Variants in GAREM1 observed in about 807,000 individuals in gnomAD.
The protein encoded by GAREM1 is GRB2 associated regulator of MAPK1 subtype 1.
A neutral mutation model predicts 71.3 loss-of-function variants in GAREM1; 26 were observed. The observed-to-expected ratio is 0.36, with a 90% CI of 0.27 to 0.51. The LOEUF (loss-of-function observed/expected upper bound fraction) is 0.51, where lower values mean the gene tolerates loss of function less well. GAREM1 is among the 20% of genes least tolerant of loss of function. The pLI, the probability that GAREM1 is intolerant of heterozygous loss-of-function variation, is 0.95. For synonymous variants in GAREM1, 440 were observed against 433.2 expected (o/e 1.02, Z -0.20); for missense variants, 1,026 against 1,103.1 (o/e 0.93, Z 0.99).
chr18:32,413,813 T>G lies in GAREM1; in HGVS notation c.122-20778A>C, dbSNP rs541488413. On this transcript the variant is annotated intron_variant, in intron 1 of 5. Coordinates refer to ENST00000269209, the MANE Select transcript of GAREM1 (RefSeq NM_001242409.2). ...AACAAACCCCAGGAGTTTACAGATATTGACTGAAAGATATCATCAATTAAA... is the reference window on the plus strand; with the variant it reads ...AACAAACCCCAGGAGTTTACAGATAGTGACTGAAAGATATCATCAATTAAA... Among the ~76,000 whole-genome samples the G allele has an allele frequency of 2.6e-5, 4 of 152,236 alleles. No homozygotes were observed. The East Asian group carries it at 7.7e-4, about 29-fold the overall frequency.
chr18:32,300,679 G>A (rs2047190600), intron 3 of GAREM1, among the ~76,000 whole-genome samples: 1 of 152,108 alleles, frequency 6.6e-6, no homozygotes, highest in Admixed American at 6.5e-5. Flanking sequence ...GGCCGAGGCG[G>A]GCAAATCGCT....
chr18:32,342,927 T>C (rs755410740), intron 2 of GAREM1, among the ~76,000 whole-genome samples: 2 of 152,166 alleles, frequency 1.3e-5, no homozygotes, highest in Non-Finnish European at 2.9e-5. Context: ...TACTAAACAA[T>C]TTGGCAGATA....
intron 1 of GAREM1, among the ~76,000 whole-genome samples, chr18:32,410,130 A>T (rs1181752841): frequency 6.6e-6 from 1 of 152,212 alleles, no homozygotes; most frequent in South Asian, 2.1e-4. Context: ...AAAGAATCAC[A>T]TAAGCAGACA....
intron 1 of GAREM1, among the ~76,000 whole-genome samples, chr18:32,460,921 A>G (rs2048949397): frequency 1.3e-5 from 2 of 152,366 alleles, no homozygotes; most frequent in South Asian, 4.1e-4. Context: ...TCAGAATGAA[A>G]AGAACTAGCA....
In GAREM1 at chr18:32,392,954, C is replaced by G. The variant is rs1185635736; in HGVS notation, c.203G>C (p.Ser68Thr). Residue 68 changes from serine to threonine, a missense_variant, in exon 2 of 6, where the codon AGC becomes ACC. This residue lies in a region of GAREM1 where 172 missense variants were observed against 175.2 expected (regional missense o/e 0.98). Coordinates refer to ENST00000269209, the MANE Select transcript of GAREM1 (RefSeq NM_001242409.2). ...CRQWTTITAH[S>T]LEEGHYVIGP... ...AATGACATAGTGACCCTCCTCCAAG[C>G]TGTGGGCAGTGATGGTGGTCCACTG... 6.2e-7 allele frequency: 1 copy of G among 1,613,912 alleles called. No homozygotes were observed. The highest frequency in any genetic ancestry group is 1.1e-5 in the South Asian group (1 of 91,076).
intron 2 of GAREM1, among the ~76,000 whole-genome samples, chr18:32,383,972 C>G (rs2048120764): frequency 6.6e-6 from 1 of 152,170 alleles, no homozygotes; most frequent in African/African-American, 2.4e-5. Context: ...AGAAAAGCCA[C>G]ATAGTATGAC....
At chr18:32,410,864 GCAATCTCGGCTCACTGCAA>G in intron 1 of GAREM1, among the ~76,000 whole-genome samples, 1 of 152,296 alleles carries the variant, frequency 6.6e-6, no homozygotes, top group East Asian at 1.9e-4. Flanking sequence ...GTGCAGTGGA[GCAATCTCGGCTCACTGCAA>G]CCTCCGTCTC....
chr18:32,440,135 T>C (rs763816950), intron 1 of GAREM1, among the ~76,000 whole-genome samples: 3 of 152,218 alleles, frequency 2.0e-5, no homozygotes, highest in Non-Finnish European at 4.4e-5. Flanking sequence ...TTAACATAAA[T>C]AGCACTTACC....
At chr18:32,317,138 CT>C (rs2047386098) in intron 2 of GAREM1, among the ~76,000 whole-genome samples, 1 of 152,166 alleles carries the variant, frequency 6.6e-6, no homozygotes, top group Non-Finnish European at 1.5e-5. Context: ...GGCGCGGTGG[CT>C]CACGCCTGTA....
At chr18:32,417,552 G>T (rs576359828) in intron 1 of GAREM1, among the ~76,000 whole-genome samples, 29 of 152,258 alleles carry the variant, frequency 1.9e-4, no homozygotes, top group Admixed American at 1.6e-3. Context: ...AAAAGAATGA[G>T]ATCCTGTCAT....
Position 32,327,024 on chromosome 18 carries a change from A to C in GAREM1, c.263-16701T>G, listed in dbSNP as rs2047480938. Among the ~76,000 whole-genome samples, 4 of 152,338 alleles carry C rather than the reference A, an allele frequency of 2.6e-5. No homozygotes were observed. The South Asian group carries it at 8.3e-4, about 32-fold the overall frequency. ...ACAGAGATACATTCCAAATTAAAAA[A>C]CACTCTTCTTTCTAATGTAAGACCA... On this transcript the variant is annotated intron_variant, in intron 2 of 5. Transcript: ENST00000269209.
intron 1 of GAREM1, among the ~76,000 whole-genome samples, chr18:32,444,488 C>T (rs1011431115): frequency 2.6e-5 from 4 of 152,062 alleles, no homozygotes; most frequent in African/African-American, 9.7e-5. Flanking sequence ...CGGGATGATT[C>T]TATGATCATG....
rs1041618241 is a variant in GAREM1 at position 32,265,755 on chromosome 18, T to A, written c.*2116A>T. On this transcript the variant is annotated 3_prime_UTR_variant, in exon 6 of 6. Coordinates refer to ENST00000269209, the MANE Select transcript of GAREM1 (RefSeq NM_001242409.2). ...TGTTTATGTGAGGCAACCTTTATAGTAAACCCAAACCAACCCTGTTCCTTC... is the reference window on the plus strand; with the variant it reads ...TGTTTATGTGAGGCAACCTTTATAGAAAACCCAAACCAACCCTGTTCCTTC... 1 of 152,224 alleles carries A rather than the reference T, an allele frequency of 6.6e-6. No homozygotes were observed. Among genetic ancestry groups the A allele is most frequent in the African/African-American group, 2.4e-5 (1 of 41,468 alleles). 9.4% of individuals were successfully genotyped at this position (152,224 alleles called of 1,614,324 possible).
chr18:32,431,610 A>G (rs1200424856), intron 1 of GAREM1, among the ~76,000 whole-genome samples: 1 of 152,228 alleles, frequency 6.6e-6, no homozygotes, highest in African/African-American at 2.4e-5. Flanking sequence ...CCTAGGCAAC[A>G]CAGCAAAACT....
intron 1 of GAREM1, among the ~76,000 whole-genome samples, chr18:32,465,739 TA>T (rs1261619532): frequency 6.6e-6 from 1 of 152,156 alleles, no homozygotes; most frequent in East Asian, 1.9e-4. Flanking sequence ...ATCACAACTG[TA>T]AAGGAATCAG....
At chr18:32,388,384 G>A (rs2048167255) in intron 2 of GAREM1, among the ~76,000 whole-genome samples, 1 of 152,132 alleles carries the variant, frequency 6.6e-6, no homozygotes, top group African/African-American at 2.4e-5. Context: ...GAATCAGACA[G>A]GAATCATCAA....
At chr18:32,457,717 C>T (rs2048910447) in intron 1 of GAREM1, among the ~76,000 whole-genome samples, 1 of 152,040 alleles carries the variant, frequency 6.6e-6, no homozygotes, top group African/African-American at 2.4e-5. Context: ...TTTATAGAGT[C>T]CTCAGGTGCT....
chr18:32,351,438 T>C (rs868739358), intron 2 of GAREM1, among the ~76,000 whole-genome samples: 2 of 152,068 alleles, frequency 1.3e-5, no homozygotes, highest in Non-Finnish European at 2.9e-5. Flanking sequence ...ATAAACAATA[T>C]ATTAATAAAG....
intron 1 of GAREM1, among the ~76,000 whole-genome samples, chr18:32,396,504 C>T (rs1313829746): frequency 2.0e-5 from 3 of 152,130 alleles, no homozygotes; most frequent in Non-Finnish European, 2.9e-5. Flanking sequence ...AACTACGTGA[C>T]GAATGCACAA....
Sources: gnomAD v4.1 joint callset for allele counts (sites outside exome capture counted in the v4.1 genomes callset) on GRCh38, gnomAD v4.1.1 for gene constraint, gnomAD v4.1.1 regional missense constraint, MANE v1.5 for transcripts, NCBI Gene and HGNC (gene_info 2026-07-23, HGNC 2026-07-21) for gene names.